C18orf54: variants seen among roughly 807,000 people sequenced by gnomAD.
The protein encoded by C18orf54 is lung adenoma susceptibility protein 2.
Under a neutral mutation model 49.3 loss-of-function variants are expected in C18orf54, and 49 were observed. The observed-to-expected ratio is 0.99, with a 90% CI of 0.79 to 1.26. The LOEUF (loss-of-function observed/expected upper bound fraction) is 1.26. Among genes scored for constraint, C18orf54 ranks in the 50% most tolerant of loss-of-function variants. The pLI is 0.00. For synonymous variants in C18orf54, 211 were observed against 216.6 expected (o/e 0.97, Z 0.23); for missense variants, 687 against 620.6 (o/e 1.11, Z -1.14).
rs1350969723 is a variant in C18orf54, at chr18:54,381,670, T to C, written c.*3424T>C. The C allele has an allele frequency of 2.6e-5, 4 of 152,232 alleles. No individual in the cohort carries two copies. Among genetic ancestry groups the C allele is most frequent in the Non-Finnish European group, 5.9e-5 (4 of 68,040 alleles). The allele number at this position is 152,232 out of a possible 1,614,324, so 9.4% of individuals were successfully genotyped here. On this transcript the variant is annotated 3_prime_UTR_variant, in exon 9 of 9. Transcript: ENST00000620105. ...ATCTAACGCTTACTCTTACATTTCT[T>C]TAAAGCTCTGGCCAAGTATTTTATT... is the stretch of plus-strand genomic sequence containing the variant.
Position 54,378,332 on chromosome 18 carries a change from T to G in C18orf54, c.*86T>G, listed in dbSNP as rs1407424064. ...CTATTACTTAAACTGACAAAGTAAA[T>G]ATAAGCCATACATTATTTTGTGGTT... On this transcript the variant is annotated 3_prime_UTR_variant, in exon 9 of 9. Transcript: ENST00000620105. The G allele has an allele frequency of 6.1e-6, 7 of 1,153,036 alleles. No homozygotes were observed. In the East Asian group the frequency reaches 1.7e-4, roughly 29 times the overall value. 71.4% of individuals were successfully genotyped at this position (1,153,036 alleles called of 1,614,324 possible).
Position 54,360,625 on chromosome 18 carries a change from C to T in C18orf54, c.53C>T (p.Ser18Phe), listed in dbSNP as rs1182691101. The change falls in exon 3 of 9, where the codon TCT (serine) becomes TTT (phenylalanine). Residue 18 changes from serine to phenylalanine, a missense_variant. Physicochemically the swap from Ser to Phe is radical, Grantham distance 155. Transcript: ENST00000620105. ...CTTTGTTCTCAGGAATCTTCAGTAT[C>T]TGCCCTGCTGGCAAGCTGCACCCTG... is the stretch of plus-strand genomic sequence containing the variant. ...HRLCSQESSV[S>F]ALLASCTLSG... The T allele has an allele frequency of 5.0e-6, 8 of 1,614,104 alleles. No homozygotes were observed. The highest frequency in any genetic ancestry group is 6.8e-6 in the Non-Finnish European group (8 of 1,179,944).
chr18:54,370,398 A>G lies in C18orf54; in HGVS notation c.1327-2068A>G, dbSNP rs1177141496. 2.6e-5 allele frequency among the ~76,000 whole-genome samples: 4 copies of G among 152,314 alleles called. No homozygotes were observed. The East Asian group carries it at 5.8e-4, about 22-fold the overall frequency. ...GTCTACAGGAAGATATGCATAGGTTATATGCAAATACTGTGCCATTTTATA... is the reference window on the plus strand; with the variant it reads ...GTCTACAGGAAGATATGCATAGGTTGTATGCAAATACTGTGCCATTTTATA... On this transcript the variant is annotated intron_variant, in intron 6 of 8. Transcript: ENST00000620105.
intron 5 of C18orf54, among the ~76,000 whole-genome samples, chr18:54,364,304 A>C (rs570469063): frequency 5.0e-4 from 76 of 152,136 alleles, no homozygotes; most frequent in Non-Finnish European, 8.5e-4. Flanking sequence ...ATGGGCAAGC[A>C]AGTAGTATCA....
chr18:54,377,434 CTAAT>C (rs557436576), intron 8 of C18orf54, among the ~76,000 whole-genome samples: 270 of 152,180 alleles, frequency 1.8e-3, no homozygotes, highest in South Asian at 4.2e-3. Flanking sequence ...TGAAATATGA[CTAAT>C]TGATGTTTTC....
At position 54,381,808 on chromosome 18, in the gene C18orf54, CTT is replaced by C. The variant is rs1212860845; in HGVS notation, c.*3563_*3564del. On this transcript the variant is annotated 3_prime_UTR_variant, in exon 9 of 9. Coordinates refer to ENST00000620105, the MANE Select transcript of C18orf54 (RefSeq NM_001288980.2). ...CATTTTAATGTTTTGGGTGGTGCCT[CTT>C]ATACTATGTTGTATTCCTAGACAAG... The C allele has an allele frequency of 6.6e-6, 1 of 152,100 alleles. No individual in the cohort carries two copies. The highest frequency in any genetic ancestry group is 1.5e-5 in the Non-Finnish European group (1 of 68,014). The allele number at this position is 152,100 out of a possible 1,614,324, so 9.4% of individuals were successfully genotyped here.
In C18orf54 at chr18:54,379,871, A is replaced by G. The variant is rs889070547; in HGVS notation, c.*1625A>G. On this transcript the variant is annotated 3_prime_UTR_variant, in exon 9 of 9. Transcript: ENST00000620105. The stretch of plus-strand genomic sequence containing the variant: ...ATGTTGATCATACATAATATATACT[A>G]TGCCTGGAAATTATGACTGAAAAGC... The G allele has an allele frequency of 6.6e-6, 1 of 152,034 alleles. No homozygotes were observed. Among genetic ancestry groups the G allele is most frequent in the Admixed American group, 6.5e-5 (1 of 15,268 alleles). The allele number at this position is 152,034 out of a possible 1,614,324, so 9.4% of individuals were successfully genotyped here. A position where few individuals can be genotyped will look rare whatever the true frequency, so the allele number is the denominator to read the frequency against.
At chr18:54,373,791 G>A (rs368714519) in intron 7 of C18orf54, among the ~76,000 whole-genome samples, 23 of 151,960 alleles carry the variant, frequency 1.5e-4, no homozygotes, top group African/African-American at 4.3e-4. Flanking sequence ...TTCATTACAA[G>A]TGAGTGGATC....
chr18:54,364,143 A>G (rs925837486), intron 5 of C18orf54, among the ~76,000 whole-genome samples: 3 of 67,440 alleles, frequency 4.4e-5, no homozygotes, highest in African/African-American at 9.5e-5. Context: ...AGATATATAT[A>G]CATATTTTTT....
At chr18:54,377,816 G>A (rs1568193160) in intron 8 of C18orf54, among the ~76,000 whole-genome samples, 1 of 152,040 alleles carries the variant, frequency 6.6e-6, no homozygotes, top group Non-Finnish European at 1.5e-5. Context: ...CAAAAGCAAA[G>A]GTGTCATTTC....
At chr18:54,366,675 A>C (rs1238468546) in intron 6 of C18orf54, among the ~76,000 whole-genome samples, 1 of 151,912 alleles carries the variant, frequency 6.6e-6, no homozygotes, top group East Asian at 1.9e-4. Context: ...AGATTGCTGG[A>C]TCATATGGTA....
At chr18:54,377,587 A>G (rs544574280) in intron 8 of C18orf54, among the ~76,000 whole-genome samples, 2 of 152,282 alleles carry the variant, frequency 1.3e-5, no homozygotes, top group South Asian at 4.2e-4. Context: ...CTGCAATACA[A>G]TCTTGGCATT....
rs766554703 is a variant in C18orf54, at chr18:54,361,723, A to G, written c.364A>G (p.Ser122Gly). Residue 122 changes from serine to glycine, a missense_variant, in exon 4 of 9, where the codon AGC becomes GGC. Transcript: ENST00000620105. ...RHTVNDIDSMSLTTDDLLRLP... is the reference protein window; with the variant it reads ...RHTVNDIDSMGLTTDDLLRLP... ...CACCGTTAATGACATAGACTCCATGAGCCTAACAACTGATGATCTATTAAG... is the reference window on the plus strand; with the variant it reads ...CACCGTTAATGACATAGACTCCATGGGCCTAACAACTGATGATCTATTAAG... 3.1e-6 allele frequency: 5 copies of G among 1,614,022 alleles called. No homozygotes were observed. Among genetic ancestry groups the G allele is most frequent in the Non-Finnish European group, 4.2e-6 (5 of 1,179,890 alleles).
Position 54,378,344 on chromosome 18 carries a change from A to G in C18orf54, c.*98A>G, listed in dbSNP as rs1191143513. On this transcript the variant is annotated 3_prime_UTR_variant, in exon 9 of 9. Transcript: ENST00000620105. The stretch of plus-strand genomic sequence containing the variant: ...CTGACAAAGTAAATATAAGCCATAC[A>G]TTATTTTGTGGTTGGTTCAAGGATT... The G allele has an allele frequency of 5.5e-6, 6 of 1,083,602 alleles. No individual in the cohort carries two copies. Among genetic ancestry groups the G allele is most frequent in the East Asian group, 2.6e-5 (1 of 38,846 alleles). 67.1% of individuals were successfully genotyped at this position (1,083,602 alleles called of 1,614,324 possible).
chr18:54,368,908 T>TA (rs1347143193), intron 6 of C18orf54, among the ~76,000 whole-genome samples: 3 of 152,256 alleles, frequency 2.0e-5, no homozygotes, highest in Non-Finnish European at 4.4e-5. Context: ...TATAATTAGT[T>TA]ACGCTGCTGT....
intron 6 of C18orf54, among the ~76,000 whole-genome samples, chr18:54,371,280 T>A (rs2089482481): frequency 6.6e-6 from 1 of 152,190 alleles, no homozygotes; most frequent in Non-Finnish European, 1.5e-5. Context: ...GTTAGCATAA[T>A]GTCTTTAAGG....
chr18:54,360,079 G>A (rs1339370644), intron 2 of C18orf54, among the ~76,000 whole-genome samples: 3 of 152,066 alleles, frequency 2.0e-5, no homozygotes, highest in African/African-American at 4.8e-5. Context: ...TTCATTTGAT[G>A]GCTTTAAAAA....
Position 54,365,769 on chromosome 18 carries a change from G to C in C18orf54, c.1274G>C (p.Arg425Thr). 1.3e-6 allele frequency: 2 copies of C among 1,599,606 alleles called. No individual in the cohort carries two copies. Among genetic ancestry groups the C allele is most frequent in the South Asian group, 1.1e-5 (1 of 88,616 alleles). ...NSDDSPQQTSRAKSAKGVLED... is the reference protein window; with the variant it reads ...NSDDSPQQTSTAKSAKGVLED... Reference sequence around the variant, plus strand: ...GATGATAGTCCTCAACAAACTTCAAGGGCAAAGAGTGCTAAAGGGGTTCTT... The same window carrying C: ...GATGATAGTCCTCAACAAACTTCAACGGCAAAGAGTGCTAAAGGGGTTCTT... Residue 425 changes from arginine (R) to threonine (T), a missense_variant, in exon 6 of 9, where the codon AGG becomes ACG. Arg to Thr is a moderately conservative substitution (Grantham distance 71). Coordinates refer to ENST00000620105, the MANE Select transcript of C18orf54 (RefSeq NM_001288980.2).
rs531320293 is a variant in C18orf54, at chr18:54,362,453, A to G, written c.1072+22A>G. The G allele has an allele frequency of 4.2e-6, 6 of 1,441,168 alleles. No homozygotes were observed. In the African/African-American group the frequency reaches 8.6e-5, roughly 21 times the overall value. The allele number at this position is 1,441,168 out of a possible 1,614,324, so 89.3% of individuals were successfully genotyped here. ...AGTGGTAATACTTTGTTTATTGCTT[A>G]TAGTTATTTATTTTTCTTTTTTTTA... On this transcript the variant is annotated intron_variant, in intron 4 of 8. Transcript: ENST00000620105.
Sources: gnomAD v4.1 joint callset for allele counts (sites outside exome capture counted in the v4.1 genomes callset) on GRCh38, gnomAD v4.1.1 for gene constraint, MANE v1.5 for transcripts, NCBI Gene and HGNC (gene_info 2026-07-23, HGNC 2026-07-21) for gene names.